FAM120A: variants seen among roughly 807,000 people sequenced by gnomAD.
FAM120A encodes the protein constitutive coactivator of PPAR-gamma-like protein 1.
In FAM120A, 15 loss-of-function variants were observed where a neutral mutation model predicts 109.7. The ratio of observed to expected loss-of-function variants is 0.14; its 90% confidence interval spans 0.09 to 0.21. The LOEUF is 0.21. FAM120A is among the 10% of genes least tolerant of loss of function. FAM120A has a pLI of 1.00. For synonymous variants in FAM120A, 493 were observed against 572.8 expected (o/e 0.86, Z 1.99); for missense variants, 899 against 1,439.3 (o/e 0.62, Z 6.07).
chr9:93,496,048 T>C lies in FAM120A; in HGVS notation c.805-1423T>C, dbSNP rs115695484. 6.6e-3 allele frequency among the ~76,000 whole-genome samples: 1,002 copies of C among 152,356 alleles called. 14 individuals are homozygous for C. Among genetic ancestry groups the C allele is most frequent in the African/African-American group, 0.023 (968 of 41,588 alleles). ...TTTGCTTGTCCATAACAAGTACTTC[T>C]TCATTTATTCAGGATTTATCATGAG... is the stretch of plus-strand genomic sequence containing the variant. On this transcript the variant is annotated intron_variant, in intron 3 of 17. Coordinates refer to ENST00000277165, the MANE Select transcript of FAM120A (RefSeq NM_014612.5).
intron 5 of FAM120A, among the ~76,000 whole-genome samples, chr9:93,514,074 A>G (rs1860460137): frequency 6.6e-6 from 1 of 152,232 alleles, no homozygotes; most frequent in African/African-American, 2.4e-5. Context: ...ACAGTTCAGC[A>G]TGGCTGGGGA....
chr9:93,548,204 C>T (rs1169215933), intron 11 of FAM120A, among the ~76,000 whole-genome samples: 1 of 152,052 alleles, frequency 6.6e-6, no homozygotes, highest in Admixed American at 6.6e-5. Context: ...CCTGGGTTCA[C>T]GCCATTCTCC....
chr9:93,542,205 C>T (rs1412329478), intron 10 of FAM120A, among the ~76,000 whole-genome samples: 1 of 152,124 alleles, frequency 6.6e-6, no homozygotes, highest in African/African-American at 2.4e-5. Context: ...CAGCCAGGGA[C>T]GGTGCCTTTG....
chr9:93,507,388 G>A (rs976577264), intron 5 of FAM120A, among the ~76,000 whole-genome samples: 1 of 152,212 alleles, frequency 6.6e-6, no homozygotes, highest in African/African-American at 2.4e-5. Flanking sequence ...AAGATGGTTG[G>A]AGGAAGAGCA....
chr9:93,539,647 C>G (rs1035164687), intron 10 of FAM120A, among the ~76,000 whole-genome samples: 1 of 152,240 alleles, frequency 6.6e-6, no homozygotes, highest in Non-Finnish European at 1.5e-5. Context: ...CCCACATACC[C>G]CCAGGTTTCT....
intron 8 of FAM120A, among the ~76,000 whole-genome samples, chr9:93,527,842 C>T (rs982846777): frequency 1.3e-5 from 2 of 151,878 alleles, no homozygotes; most frequent in Admixed American, 6.6e-5. Flanking sequence ...AGGCTAGTCT[C>T]GAACCCTTGA....
intron 3 of FAM120A, among the ~76,000 whole-genome samples, chr9:93,487,791 T>A (rs538680898): frequency 1.3e-5 from 2 of 152,346 alleles, no homozygotes; most frequent in Non-Finnish European, 2.9e-5. Context: ...TTGAATTATA[T>A]GCTAAAATTG....
At chr9:93,552,508 T>A (rs543198845) in intron 12 of FAM120A, among the ~76,000 whole-genome samples, 82 of 152,296 alleles carry the variant, frequency 5.4e-4, no homozygotes, top group African/African-American at 2.0e-3. Context: ...TCATGATTAG[T>A]ATAAATTCTG....
intron 10 of FAM120A, among the ~76,000 whole-genome samples, chr9:93,538,247 G>T (rs1313034475): frequency 2.0e-5 from 3 of 152,072 alleles, no homozygotes; most frequent in East Asian, 1.9e-4. Context: ...AAAGTTTTAA[G>T]AAAATATCCA....
chr9:93,563,043 G>A (rs1862526432), intron 17 of FAM120A, among the ~76,000 whole-genome samples: 1 of 152,166 alleles, frequency 6.6e-6, no homozygotes, highest in African/African-American at 2.4e-5. Context: ...TCATGGAGAA[G>A]GGTGCGTTAA....
At chr9:93,563,094 TTGTAGGAGAGTA>T (rs1206235243) in intron 17 of FAM120A, among the ~76,000 whole-genome samples, 1 of 152,192 alleles carries the variant, frequency 6.6e-6, no homozygotes, top group Non-Finnish European at 1.5e-5. Flanking sequence ...ATAGAGGATG[TTGTAGGAGAGTA>T]TGTGGGGACC....
intron 1 of FAM120A, among the ~76,000 whole-genome samples, chr9:93,469,293 T>A (rs967545856): frequency 1.3e-5 from 2 of 152,178 alleles, no homozygotes; most frequent in Non-Finnish European, 2.9e-5. Flanking sequence ...AGCCTCTGTT[T>A]TAGTTCTGCC....
intron 7 of FAM120A, among the ~76,000 whole-genome samples, chr9:93,524,646 G>A (rs1465391696): frequency 1.3e-5 from 2 of 152,192 alleles, no homozygotes; most frequent in Non-Finnish European, 2.9e-5. Flanking sequence ...GCGTCGGCTC[G>A]GCTCTGCTGT....
intron 4 of FAM120A, among the ~76,000 whole-genome samples, 193 bp downstream of exon 4, chr9:93,497,792 C>T (rs1361538874): frequency 6.6e-6 from 1 of 152,188 alleles, no homozygotes. Context: ...GTCATGTTCC[C>T]TGCCAGCCAG....
intron 3 of FAM120A, among the ~76,000 whole-genome samples, chr9:93,487,104 A>C (rs750363906): frequency 2.0e-5 from 3 of 152,094 alleles, no homozygotes; most frequent in African/African-American, 7.2e-5. Context: ...TGTCTCTTCA[A>C]ATCCTTTGCT....
intron 2 of FAM120A, among the ~76,000 whole-genome samples, chr9:93,475,293 C>G (rs966207035): frequency 6.6e-6 from 1 of 152,146 alleles, no homozygotes; most frequent in African/African-American, 2.4e-5. Context: ...GTGGAATTTT[C>G]CACTTGCATC....
At chr9:93,489,609 G>A (rs1859224983) in intron 3 of FAM120A, among the ~76,000 whole-genome samples, 1 of 152,182 alleles carries the variant, frequency 6.6e-6, no homozygotes, top group Admixed American at 6.5e-5. Context: ...TACGTGCATA[G>A]CAGTTTCCAT....
At chr9:93,466,627 C>T (rs1200214164) in intron 1 of FAM120A, among the ~76,000 whole-genome samples, 3 of 152,026 alleles carry the variant, frequency 2.0e-5, no homozygotes, top group Non-Finnish European at 4.4e-5. Context: ...TGTCTAGGCC[C>T]TCATAGCTGA....
chr9:93,516,351 G>C, intron 7 of FAM120A, 82 bp downstream of exon 7: 1 of 1,574,772 alleles, frequency 6.4e-7, no homozygotes, highest in Admixed American at 1.7e-5. Flanking sequence ...AGCCCAGCTG[G>C]TGTTTTGCTC....
Sources: gnomAD v4.1 joint callset for allele counts (sites outside exome capture counted in the v4.1 genomes callset) on GRCh38, gnomAD v4.1.1 for gene constraint, MANE v1.5 for transcripts, NCBI Gene and HGNC (gene_info 2026-07-23, HGNC 2026-07-21) for gene names.